The following PLA2G4A variants were observed in gnomAD, a reference collection of about 807,000 sequenced individuals.
PLA2G4A encodes the protein phospholipase A2 group IVA.
In PLA2G4A, 40 loss-of-function variants were observed where a neutral mutation model predicts 81.9. That is an observed-to-expected ratio of 0.49 (90% CI 0.38 to 0.64). The LOEUF (loss-of-function observed/expected upper bound fraction) is 0.64, where lower values mean the gene tolerates loss of function less well. Ranked by LOEUF, PLA2G4A falls within the 30% of genes least tolerant of loss-of-function variation. The pLI is 0.00. For missense variants in PLA2G4A, 715 were observed against 905.1 expected, an observed-to-expected ratio of 0.79 and a Z score of 2.69; for synonymous variants, 302 against 296.9, an observed-to-expected ratio of 1.02 and a Z score of -0.18.
chr1:186,874,172 A>G (rs1011589265), intron 3 of PLA2G4A, among the ~76,000 whole-genome samples: 5 of 152,106 alleles, frequency 3.3e-5, no homozygotes, highest in African/African-American at 4.8e-5. Flanking sequence ...GTTAAACTCT[A>G]TACTCTACAT....
chr1:186,946,716 A>G lies in PLA2G4A; in HGVS notation c.1113A>G (p.Lys371=). The G allele has an allele frequency of 6.2e-7, 1 of 1,612,378 alleles. No individual in the cohort carries two copies. The highest frequency in any genetic ancestry group is 8.5e-7 in the Non-Finnish European group (1 of 1,178,740). ...TFMAPDLFGS[K]FFMGTVVKKY... ...TGGCTCCCGACTTATTTGGAAGCAA[A>G]TTTTTTATGGGAACAGTCGTTAAGA... Residue 371 remains lysine (K), a synonymous_variant, in exon 11 of 18, where the codon AAA becomes AAG. Coordinates refer to ENST00000367466, the MANE Select transcript of PLA2G4A (RefSeq NM_024420.3).
chr1:186,831,805 GAGAC>G (rs75543617), intron 1 of PLA2G4A, among the ~76,000 whole-genome samples: 2,915 of 152,138 alleles, frequency 0.019, 46 homozygotes, highest in East Asian at 0.044. Flanking sequence ...CATCAGCAAA[GAGAC>G]AGACAAGAAG....
At chr1:186,967,963 G>A (rs1368175018) in intron 15 of PLA2G4A, among the ~76,000 whole-genome samples, 1 of 152,150 alleles carries the variant, frequency 6.6e-6, no homozygotes, top group African/African-American at 2.4e-5. Context: ...TAAGAGACAT[G>A]TATTGTAATC....
chr1:186,833,070 AAAG>A (rs1305748413), intron 1 of PLA2G4A, among the ~76,000 whole-genome samples: 2 of 152,178 alleles, frequency 1.3e-5, no homozygotes, highest in African/African-American at 2.4e-5. Flanking sequence ...TGAATCATGT[AAAG>A]AAGATATTGT....
intron 16 of PLA2G4A, among the ~76,000 whole-genome samples, chr1:186,978,009 A>C (rs1041629285): frequency 1.3e-5 from 2 of 152,188 alleles, no homozygotes; most frequent in African/African-American, 4.8e-5. Flanking sequence ...CAAAGTCAAC[A>C]ACCAGTTTAG....
intron 13 of PLA2G4A, among the ~76,000 whole-genome samples, chr1:186,951,570 T>G (rs1009368055): frequency 1.1e-4 from 16 of 152,268 alleles, no homozygotes; most frequent in African/African-American, 3.8e-4. Flanking sequence ...ATCATCTAGA[T>G]TTTAGAAGAT....
At chr1:186,938,265 G>T (rs1256753684) in intron 8 of PLA2G4A, among the ~76,000 whole-genome samples, 1 of 152,010 alleles carries the variant, frequency 6.6e-6, no homozygotes, top group African/African-American at 2.4e-5. Context: ...CATACTAGAG[G>T]TATTGGTTCA....
At chr1:186,844,692 C>T (rs184268319) in intron 1 of PLA2G4A, among the ~76,000 whole-genome samples, 2 of 152,016 alleles carry the variant, frequency 1.3e-5, no homozygotes, top group East Asian at 1.9e-4. Flanking sequence ...TGTTAAATGA[C>T]GAGTTAATGG....
At chr1:186,890,053 C>T (rs751536538) in intron 3 of PLA2G4A, among the ~76,000 whole-genome samples, 1 of 152,128 alleles carries the variant, frequency 6.6e-6, no homozygotes, top group Non-Finnish European at 1.5e-5. Flanking sequence ...TACATTATAG[C>T]GCGATTGTGA....
At chr1:186,967,647 A>G (rs2102279792) in intron 15 of PLA2G4A, among the ~76,000 whole-genome samples, 1 of 152,268 alleles carries the variant, frequency 6.6e-6, no homozygotes, top group African/African-American at 2.4e-5. Context: ...ATTATAGGGG[A>G]TAAATATAAG....
chr1:186,940,416 G>A (rs1327084487), intron 10 of PLA2G4A, among the ~76,000 whole-genome samples: 2 of 152,108 alleles, frequency 1.3e-5, no homozygotes, highest in Non-Finnish European at 2.9e-5. Flanking sequence ...TTTAGGTAGT[G>A]CAAATTGTTT....
chr1:186,842,501 A>G (rs542061766), intron 1 of PLA2G4A, among the ~76,000 whole-genome samples: 2 of 152,270 alleles, frequency 1.3e-5, no homozygotes, highest in East Asian at 3.9e-4. Context: ...CCCCCTCCAA[A>G]TGCATACATT....
At chr1:186,894,427 A>G (rs1456150765) in intron 5 of PLA2G4A, among the ~76,000 whole-genome samples, 3 of 152,202 alleles carry the variant, frequency 2.0e-5, no homozygotes, top group African/African-American at 7.2e-5. Flanking sequence ...ACCAAACACT[A>G]CTAAGGCTTT....
At chr1:186,934,019 C>A (rs1357657084) in intron 8 of PLA2G4A, among the ~76,000 whole-genome samples, 1 of 152,070 alleles carries the variant, frequency 6.6e-6, no homozygotes, top group African/African-American at 2.4e-5. Flanking sequence ...TCTATATGTA[C>A]CCTCAAAATG....
chr1:186,852,732 A>G (rs1470726405), intron 1 of PLA2G4A, among the ~76,000 whole-genome samples: 1 of 152,018 alleles, frequency 6.6e-6, no homozygotes, highest in Non-Finnish European at 1.5e-5. Flanking sequence ...CCCACCTCCC[A>G]ATACCATTAC....
At chr1:186,866,572 AAC>A (rs1418401291) in intron 2 of PLA2G4A, among the ~76,000 whole-genome samples, 2 of 152,174 alleles carry the variant, frequency 1.3e-5, no homozygotes, top group African/African-American at 4.8e-5. Context: ...TTATAATAAA[AAC>A]AATCTTTTTG....
intron 1 of PLA2G4A, among the ~76,000 whole-genome samples, chr1:186,833,376 A>G (rs1651666525): frequency 6.6e-6 from 1 of 152,196 alleles, no homozygotes; most frequent in African/African-American, 2.4e-5. Context: ...CCTGGGTGAT[A>G]GAGCAAGATT....
At chr1:186,839,535 C>T (rs959764463) in intron 1 of PLA2G4A, among the ~76,000 whole-genome samples, 1 of 152,196 alleles carries the variant, frequency 6.6e-6, no homozygotes, top group African/African-American at 2.4e-5. Flanking sequence ...ATCTCATCCG[C>T]AGAACCTCAA....
At chr1:186,922,741 G>T (rs1336153432) in intron 7 of PLA2G4A, among the ~76,000 whole-genome samples, 1 of 152,214 alleles carries the variant, frequency 6.6e-6, no homozygotes, top group Non-Finnish European at 1.5e-5. Context: ...GGTTTATTCA[G>T]CCTGGAGCAT....
Sources: allele counts gnomAD v4.1 joint callset (sites outside exome capture counted in the v4.1 genomes callset), GRCh38; gene constraint gnomAD v4.1.1; transcripts MANE v1.5; gene names NCBI Gene and HGNC (gene_info 2026-07-23, HGNC 2026-07-21).